Variants in XXYLT1 observed in about 807,000 individuals in gnomAD.
XXYLT1 encodes the protein UDP-xylose:alpha-xyloside alpha-1,3-xylosyltransferase.
Under a neutral mutation model 28.9 loss-of-function variants are expected in XXYLT1, and 20 were observed. The observed-to-expected ratio is 0.69, with a 90% confidence interval of 0.49 to 1.00. The LOEUF is 1.00. XXYLT1 is among the 50% of genes least tolerant of loss of function. XXYLT1 has a pLI of 0.00. For missense variants in XXYLT1, 542 were observed against 560.1 expected (o/e 0.97, Z 0.33); for synonymous variants, 257 against 253.8 (o/e 1.01, Z -0.12).
chr3:195,109,499 ACG>A (rs1491387749), intron 3 of XXYLT1, among the ~76,000 whole-genome samples: 2 of 68,436 alleles, frequency 2.9e-5, no homozygotes, highest in African/African-American at 1.0e-4. Context: ...AGGTATGTGT[ACG>A]TGTGTGGTGT....
At chr3:195,213,010 G>A (rs914801384) in intron 2 of XXYLT1, among the ~76,000 whole-genome samples, 4 of 152,106 alleles carry the variant, frequency 2.6e-5, no homozygotes, top group South Asian at 2.1e-4. Flanking sequence ...CATGATCCAC[G>A]GAAAGTCCTC....
chr3:195,175,158 G>T (rs1400045501), intron 2 of XXYLT1, among the ~76,000 whole-genome samples: 1 of 152,240 alleles, frequency 6.6e-6, no homozygotes, highest in East Asian at 1.9e-4. Flanking sequence ...CAGAGCCACA[G>T]TTGTTGAGCA....
chr3:195,122,765 C>G (rs1718430238), intron 3 of XXYLT1, among the ~76,000 whole-genome samples: 1 of 152,216 alleles, frequency 6.6e-6, no homozygotes. Flanking sequence ...ATCAGTGTGA[C>G]AGCGGGGGCG....
At chr3:195,104,667 A>T (rs1234049965) in intron 3 of XXYLT1, among the ~76,000 whole-genome samples, 1 of 152,216 alleles carries the variant, frequency 6.6e-6, no homozygotes, top group Non-Finnish European at 1.5e-5. Flanking sequence ...GGGGTTCTGG[A>T]GAAAAGGCAG....
chr3:195,253,966 T>C (rs1725378150), intron 1 of XXYLT1, among the ~76,000 whole-genome samples: 1 of 152,086 alleles, frequency 6.6e-6, no homozygotes, highest in Non-Finnish European at 1.5e-5. Context: ...TTTTAAAGGG[T>C]AACACCAGAG....
chr3:195,201,367 CT>C (rs1256400025), intron 2 of XXYLT1, among the ~76,000 whole-genome samples: 4 of 152,244 alleles, frequency 2.6e-5, no homozygotes, highest in Non-Finnish European at 5.9e-5. Context: ...CCTTCTGCTT[CT>C]GGGACATTCC....
Position 195,107,538 on chromosome 3 carries a change from G to GAA in XXYLT1, c.786-37428_786-37427insTT, listed in dbSNP as rs200445183. Among the ~76,000 whole-genome samples the GAA allele has an allele frequency of 1.8e-3, 19 of 10,286 alleles. 2 individuals carry two copies. The highest frequency in any genetic ancestry group is 3.7e-3 in the African/African-American group (10 of 2,724). The allele number at this position is 10,286 out of a possible 152,430, so 6.7% of individuals were successfully genotyped here. On this transcript the variant is annotated intron_variant, in intron 3 of 3. Coordinates refer to ENST00000310380, the MANE Select transcript of XXYLT1 (RefSeq NM_152531.5). The stretch of plus-strand genomic sequence containing the variant: ...AAGAAGGAGGAGGAAGGAGGAGGAG[G>GAA]GGGAGGAGGAGGGGGAAGAGGGGGA...
chr3:195,153,553 A>G (rs993009271), intron 3 of XXYLT1, among the ~76,000 whole-genome samples: 3 of 152,222 alleles, frequency 2.0e-5, no homozygotes, highest in African/African-American at 7.2e-5. Context: ...CGGAGGTCTC[A>G]TGGTTATCAT....
intron 3 of XXYLT1, among the ~76,000 whole-genome samples, chr3:195,119,798 TC>T (rs1718250985): frequency 6.6e-6 from 1 of 152,204 alleles, no homozygotes; most frequent in African/African-American, 2.4e-5. Context: ...AGCTGTTTGT[TC>T]TTTTCTCAAA....
intron 3 of XXYLT1, among the ~76,000 whole-genome samples, chr3:195,137,287 C>T (rs568721264): frequency 1.2e-4 from 18 of 152,284 alleles, no homozygotes; most frequent in Admixed American, 2.6e-4. Context: ...AATGGTGCTT[C>T]AAAAATCCTT....
At chr3:195,134,870 CGTGT>C (rs147122386) in intron 3 of XXYLT1, among the ~76,000 whole-genome samples, 7,927 of 124,110 alleles carry the variant, frequency 0.064, 306 homozygotes, top group East Asian at 0.19. Flanking sequence ...TGTGTGTGTG[CGTGT>C]GCGCGCGTGC....
At chr3:195,116,695 A>C (rs1718059285) in intron 3 of XXYLT1, among the ~76,000 whole-genome samples, 1 of 152,184 alleles carries the variant, frequency 6.6e-6, no homozygotes, top group African/African-American at 2.4e-5. Flanking sequence ...GGACTCTAAA[A>C]ACTGTGCAGA....
At chr3:195,225,272 C>A (rs1025152827) in intron 2 of XXYLT1, among the ~76,000 whole-genome samples, 4 of 152,176 alleles carry the variant, frequency 2.6e-5, no homozygotes, top group African/African-American at 9.7e-5. Context: ...CCCAGTGGAG[C>A]CCCCTGAGCC....
At chr3:195,159,902 G>A (rs1483073231) in intron 2 of XXYLT1, among the ~76,000 whole-genome samples, 2 of 152,034 alleles carry the variant, frequency 1.3e-5, no homozygotes, top group South Asian at 2.1e-4. Context: ...AACTTGGGTC[G>A]CTTCTGAGCT....
intron 3 of XXYLT1, among the ~76,000 whole-genome samples, chr3:195,100,315 G>A (rs1239060476): frequency 1.3e-5 from 2 of 152,138 alleles, no homozygotes; most frequent in African/African-American, 2.4e-5. Flanking sequence ...CTGGGAAAGT[G>A]TGGCCTATAT....
chr3:195,128,087 G>A (rs1718727115), intron 3 of XXYLT1, among the ~76,000 whole-genome samples: 1 of 152,132 alleles, frequency 6.6e-6, no homozygotes, highest in Non-Finnish European at 1.5e-5. Context: ...ACCTGCAACG[G>A]GGCCAGGGAA....
intron 3 of XXYLT1, among the ~76,000 whole-genome samples, chr3:195,119,119 T>TA (rs1265464606): frequency 7.0e-6 from 1 of 142,960 alleles, no homozygotes. Context: ...CTACTAAAAA[T>TA]ACAAAAAAAA....
At position 195,255,166 on chromosome 3, in the gene XXYLT1, G is replaced by C. The variant is rs1463134693; in HGVS notation, c.504+15389C>G. 6.6e-6 allele frequency among the ~76,000 whole-genome samples: 1 copy of C among 152,224 alleles called. No individual in the cohort carries two copies. Among genetic ancestry groups the C allele is most frequent in the Non-Finnish European group, 1.5e-5 (1 of 68,034 alleles). On this transcript the variant is annotated intron_variant, in intron 1 of 3. Coordinates refer to ENST00000310380, the MANE Select transcript of XXYLT1 (RefSeq NM_152531.5). This position sits in a 1 kb window ranked among gnomAD's most constrained non-coding sequence, Gnocchi z 4.5. ...AGAGGGAATGCAGTCCCTCAGCAAG[G>C]AGCTTCAGTCGGACTAAACCAGCAG... is the stretch of plus-strand genomic sequence containing the variant.
intron 3 of XXYLT1, among the ~76,000 whole-genome samples, chr3:195,114,739 G>A (rs1329253403): frequency 6.6e-6 from 1 of 152,238 alleles, no homozygotes; most frequent in Non-Finnish European, 1.5e-5. Context: ...CCTCTGTCAA[G>A]CTTGTGACAA....
Sources: allele counts gnomAD v4.1 joint callset (sites outside exome capture counted in the v4.1 genomes callset), GRCh38; gene constraint gnomAD v4.1.1; non-coding constraint Gnocchi (gnomAD v3.1); transcripts MANE v1.5; gene names NCBI Gene and HGNC (gene_info 2026-07-23, HGNC 2026-07-21).